The following NSMCE2 variants were observed in gnomAD, a reference collection of about 807,000 sequenced individuals.
NSMCE2 encodes NSE2 SUMO ligase component of SMC5/6 complex.
In NSMCE2, 24 loss-of-function variants were observed where a neutral mutation model predicts 23.8. The ratio of observed to expected loss-of-function variants is 1.01; its 90% CI spans 0.73 to 1.42. The LOEUF (loss-of-function observed/expected upper bound fraction) is 1.42, where lower values mean the gene tolerates loss of function less well. Ranked by LOEUF, NSMCE2 falls within the 40% of genes most tolerant of loss-of-function variation. The probability of loss-of-function intolerance (pLI) is 0.00; values close to 1 mark genes in which losing one functional copy is unlikely to be tolerated. For synonymous variants in NSMCE2, 92 were observed against 94.1 expected (o/e 0.98, Z 0.13); for missense variants, 284 against 296.5 (o/e 0.96, Z 0.31).
intron 5 of NSMCE2, among the ~76,000 whole-genome samples, chr8:125,274,913 G>C (rs1252671401): frequency 1.4e-5 from 2 of 142,880 alleles, no homozygotes; most frequent in Non-Finnish European, 3.0e-5. Context: ...CTGGGCTTCA[G>C]AGGGAGACTC....
intron 5 of NSMCE2, among the ~76,000 whole-genome samples, chr8:125,221,380 A>G (rs1824854597): frequency 6.6e-6 from 1 of 152,180 alleles, no homozygotes; most frequent in African/African-American, 2.4e-5. Flanking sequence ...AGTAGCTGGG[A>G]TTACAGTTGT....
At chr8:125,335,046 G>A (rs1830026380) in intron 5 of NSMCE2, among the ~76,000 whole-genome samples, 1 of 152,036 alleles carries the variant, frequency 6.6e-6, no homozygotes, top group Non-Finnish European at 1.5e-5. Context: ...GTGAGCCGCA[G>A]TACCTGACCA....
chr8:125,144,012 A>G (rs1188208626), intron 3 of NSMCE2, among the ~76,000 whole-genome samples: 3 of 152,206 alleles, frequency 2.0e-5, no homozygotes, highest in African/African-American at 2.4e-5. Context: ...ATGAAGTAGT[A>G]TAGAGATAAA....
intron 4 of NSMCE2, among the ~76,000 whole-genome samples, chr8:125,177,691 C>T (rs1428351037): frequency 1.3e-5 from 2 of 152,144 alleles, no homozygotes; most frequent in African/African-American, 4.8e-5. Context: ...AAGGATTAGC[C>T]CTTTTCTTAC....
At chr8:125,240,554 A>G (rs1825731577) in intron 5 of NSMCE2, among the ~76,000 whole-genome samples, 1 of 152,140 alleles carries the variant, frequency 6.6e-6, no homozygotes, top group South Asian at 2.1e-4. Flanking sequence ...TTCTCCTTCT[A>G]TTCTGCCTTT....
At chr8:125,143,080 C>A (rs969943085) in intron 3 of NSMCE2, among the ~76,000 whole-genome samples, 7 of 150,290 alleles carry the variant, frequency 4.7e-5, no homozygotes, top group Non-Finnish European at 8.8e-5. Flanking sequence ...TCCCAGGACA[C>A]CCCCAGTGTG....
chr8:125,119,145 G>C (rs1819154143), intron 3 of NSMCE2, among the ~76,000 whole-genome samples: 1 of 152,102 alleles, frequency 6.6e-6, no homozygotes, highest in Non-Finnish European at 1.5e-5. Context: ...TTTGGCTGCT[G>C]TTCACCTCAT....
At chr8:125,133,794 A>T (rs1392979528) in intron 3 of NSMCE2, among the ~76,000 whole-genome samples, 1 of 152,196 alleles carries the variant, frequency 6.6e-6, no homozygotes, top group African/African-American at 2.4e-5. Context: ...AAAAAAAAGA[A>T]AAAGAAAAAA....
At chr8:125,351,092 G>C (rs990176047) in intron 5 of NSMCE2, among the ~76,000 whole-genome samples, 1 of 152,202 alleles carries the variant, frequency 6.6e-6, no homozygotes, top group East Asian at 1.9e-4. Flanking sequence ...AACCAAGAAT[G>C]ATTCCAAAGG....
intron 5 of NSMCE2, among the ~76,000 whole-genome samples, chr8:125,239,069 TC>T (rs1825664786): frequency 6.6e-6 from 1 of 152,208 alleles, no homozygotes; most frequent in South Asian, 2.1e-4. Flanking sequence ...CCTCTGGCTT[TC>T]CTTTGATGTT....
At chr8:125,122,378 T>C (rs997980966) in intron 3 of NSMCE2, among the ~76,000 whole-genome samples, 6 of 152,144 alleles carry the variant, frequency 3.9e-5, no homozygotes, top group Non-Finnish European at 7.4e-5. Flanking sequence ...TCCCGAAAAA[T>C]GGTAGTTATT....
chr8:125,321,001 T>G (rs1304148871), intron 5 of NSMCE2, among the ~76,000 whole-genome samples: 4 of 151,806 alleles, frequency 2.6e-5, no homozygotes, highest in Non-Finnish European at 5.9e-5. Context: ...GCTACGCACT[T>G]TTCAACCACC....
intron 4 of NSMCE2, among the ~76,000 whole-genome samples, chr8:125,166,984 T>C (rs1821918477): frequency 6.6e-6 from 1 of 152,216 alleles, no homozygotes; most frequent in Non-Finnish European, 1.5e-5. Context: ...CACTCCAGCC[T>C]GGGTGACAGA....
chr8:125,242,998 T>G (rs1322935514), intron 5 of NSMCE2, among the ~76,000 whole-genome samples: 1 of 151,988 alleles, frequency 6.6e-6, no homozygotes, highest in African/African-American at 2.4e-5. Context: ...CACTCACAAT[T>G]CTCAATATTG....
At position 125,352,626 on chromosome 8, in the gene NSMCE2, G is replaced by T. The variant is rs568238197; in HGVS notation, c.419-4593G>T. ...TTTGGACAAAACCTACACTTTCTTT[G>T]TATCTCAATTGTCTCAGGTAAATGT... On this transcript the variant is annotated intron_variant, in intron 5 of 7. Coordinates refer to ENST00000287437, the MANE Select transcript of NSMCE2 (RefSeq NM_173685.4). 5.9e-5 allele frequency among the ~76,000 whole-genome samples: 9 copies of T among 152,202 alleles called. No individual in the cohort carries two copies. In the East Asian group the frequency reaches 1.5e-3, roughly 26 times the overall value.
intron 5 of NSMCE2, among the ~76,000 whole-genome samples, chr8:125,278,992 T>C (rs1404500056): frequency 6.6e-6 from 1 of 152,066 alleles, no homozygotes; most frequent in Non-Finnish European, 1.5e-5. Context: ...ATTAAATATT[T>C]TGTGTTTGTA....
At chr8:125,099,754 G>A (rs911927626) in intron 1 of NSMCE2, among the ~76,000 whole-genome samples, 10 of 152,142 alleles carry the variant, frequency 6.6e-5, no homozygotes, top group Non-Finnish European at 1.5e-4. Context: ...AAAGGGAATG[G>A]AAGGAGAGGA....
chr8:125,337,884 C>CAAA (rs35658538), intron 5 of NSMCE2, among the ~76,000 whole-genome samples: 276 of 97,232 alleles, frequency 2.8e-3, no homozygotes, highest in African/African-American at 3.5e-3. Flanking sequence ...AACTCTATCT[C>CAAA]AAAAAAAAAA....
chr8:125,195,257 A>G (rs1329278376), intron 5 of NSMCE2, among the ~76,000 whole-genome samples: 1 of 152,140 alleles, frequency 6.6e-6, no homozygotes, highest in Non-Finnish European at 1.5e-5. Context: ...AGAGATTCAG[A>G]TTAAGTTTGT....
Sources: allele counts gnomAD v4.1 joint callset (sites outside exome capture counted in the v4.1 genomes callset), GRCh38; gene constraint gnomAD v4.1.1; transcripts MANE v1.5; gene names NCBI Gene and HGNC (gene_info 2026-07-23, HGNC 2026-07-21).